Variants in HLCS observed in about 807,000 individuals in gnomAD.
HLCS encodes the protein holocarboxylase synthetase, also known as biotin--protein ligase.
In HLCS, 53 loss-of-function variants were observed where a neutral mutation model predicts 75.0. The observed-to-expected ratio is 0.71, with a 90% CI of 0.57 to 0.89. HLCS has a LOEUF of 0.89. HLCS is among the 40% of genes least tolerant of loss of function. HLCS has a pLI of 0.00. For missense variants in HLCS, 966 were observed against 1,074.0 expected (o/e 0.90, Z 1.41); for synonymous variants, 431 against 428.6 (o/e 1.01, Z -0.07).
In HLCS at chr21:36,749,034, T is replaced by C. The variant is rs141289709; in HGVS notation, c.*5212A>G. ...GACTGCACCTTGTGAAGGAAAAACA[T>C]GCTTAAGGGGGTGTAATGAAAATGA... On this transcript the variant is annotated 3_prime_UTR_variant, in exon 11 of 11. Coordinates refer to ENST00000674895, the MANE Select transcript of HLCS (RefSeq NM_001352514.2). The C allele has an allele frequency of 1.3e-5, 2 of 152,738 alleles. No homozygotes were observed. Among genetic ancestry groups the C allele is most frequent in the African/African-American group, 2.4e-5 (1 of 41,572 alleles). 9.5% of individuals were successfully genotyped at this position (152,738 alleles called of 1,614,324 possible).
At chr21:36,809,412 G>A (rs1035020712) in intron 6 of HLCS, among the ~76,000 whole-genome samples, 3 of 152,128 alleles carry the variant, frequency 2.0e-5, no homozygotes, top group African/African-American at 4.8e-5. Flanking sequence ...GAACCAGCGT[G>A]GGATTTTTAA....
At chr21:36,963,488 G>A (rs569301187) in intron 1 of HLCS, among the ~76,000 whole-genome samples, 6 of 152,240 alleles carry the variant, frequency 3.9e-5, no homozygotes, top group Admixed American at 6.5e-5. Context: ...TAGGCCGGGC[G>A]CGGTGGCTCA....
intron 5 of HLCS, among the ~76,000 whole-genome samples, chr21:36,923,105 C>G (rs984764019): frequency 1.3e-5 from 2 of 152,194 alleles, no homozygotes; most frequent in African/African-American, 4.8e-5. Flanking sequence ...CACAGGAGCC[C>G]TTTGATCATG....
chr21:36,873,283 A>C (rs1415910784), intron 6 of HLCS, among the ~76,000 whole-genome samples: 1 of 151,924 alleles, frequency 6.6e-6, no homozygotes, highest in African/African-American at 2.4e-5. Flanking sequence ...ACACCAAGCT[A>C]ATTTTTGTAT....
intron 6 of HLCS, among the ~76,000 whole-genome samples, chr21:36,884,885 G>A (rs1055809659): frequency 2.6e-5 from 4 of 152,146 alleles, no homozygotes; most frequent in African/African-American, 9.7e-5. Context: ...GGGGTCTCAG[G>A]AAGGTGTGGG....
chr21:36,916,518 A>AT (rs57613865), intron 5 of HLCS, among the ~76,000 whole-genome samples: 1,607 of 93,028 alleles, frequency 0.017, 54 homozygotes, highest in Middle Eastern at 0.023. Flanking sequence ...TGCCTAGCTA[A>AT]TTTTTTTTTT....
chr21:36,898,566 G>T (rs1697480017), intron 5 of HLCS, among the ~76,000 whole-genome samples: 1 of 152,056 alleles, frequency 6.6e-6, no homozygotes, highest in Non-Finnish European at 1.5e-5. Context: ...GGTGGAGATG[G>T]GGTGGGGACA....
intron 5 of HLCS, among the ~76,000 whole-genome samples, chr21:36,912,854 C>T (rs546707163): frequency 2.0e-5 from 3 of 152,290 alleles, no homozygotes; most frequent in South Asian, 4.1e-4. Context: ...GTGCTCTCCT[C>T]TGGGTCCCTC....
rs369539770 is a variant in HLCS, at chr21:36,787,750, TC to T, written c.1893-20466del. Among the ~76,000 whole-genome samples, 103 of 152,252 alleles carry T rather than the reference TC, an allele frequency of 6.8e-4. 1 individual carries two copies. The East Asian group carries it at 0.015, about 22-fold the overall frequency. ...CAGAAAGAGAACTCAGCTCTCTCCT[TC>T]CTACCTCACATGACCCTAAGGAAAG... On this transcript the variant is annotated intron_variant, in intron 6 of 10. Coordinates refer to ENST00000674895, the MANE Select transcript of HLCS (RefSeq NM_001352514.2).
At chr21:36,790,669 A>G (rs1363358660) in intron 6 of HLCS, among the ~76,000 whole-genome samples, 1 of 152,150 alleles carries the variant, frequency 6.6e-6, no homozygotes, top group African/African-American at 2.4e-5. Flanking sequence ...TCATCCATGG[A>G]GAAAAACGCA....
chr21:36,847,950 T>A (rs918094312), intron 6 of HLCS, among the ~76,000 whole-genome samples: 2 of 152,238 alleles, frequency 1.3e-5, no homozygotes, highest in African/African-American at 4.8e-5. Flanking sequence ...CAATAGGTAT[T>A]GTTTTCTGAT....
rs145103417 is a variant in HLCS, at chr21:36,806,501, G to C, written c.1893-39216C>G. Among the ~76,000 whole-genome samples, 431 of 152,260 alleles carry C rather than the reference G, an allele frequency of 2.8e-3. 3 individuals carry two copies. The highest frequency in any genetic ancestry group is 9.9e-3 in the African/African-American group (412 of 41,548). Reference sequence around the variant, plus strand: ...AAAACCAAGTGAAATGAAAGGTGACGGTCAGTGTGCTATCTTTTGACCGCA... The same window carrying C: ...AAAACCAAGTGAAATGAAAGGTGACCGTCAGTGTGCTATCTTTTGACCGCA... On this transcript the variant is annotated intron_variant, in intron 6 of 10. Transcript: ENST00000674895.
At position 36,750,391 on chromosome 21, in the gene HLCS, A is replaced by G. The variant is rs983967479; in HGVS notation, c.*3855T>C. 6.6e-6 allele frequency among the ~76,000 whole-genome samples: 1 copy of G among 152,346 alleles called. No individual in the cohort carries two copies. The highest frequency in any genetic ancestry group is 2.4e-5 in the African/African-American group (1 of 41,576). ...TTGGAAGCCCTTTTCTAGAAAAGCC[A>G]TTCCATTCATACCTTTGTAGAGCAG... On this transcript the variant is annotated 3_prime_UTR_variant, in exon 11 of 11. Transcript: ENST00000674895.
upstream of HLCS, chr21:36,968,798 C>G (rs925649000): frequency 1.3e-5 from 2 of 152,204 alleles, no homozygotes; most frequent in Non-Finnish European, 2.9e-5. Flanking sequence ...CCACTCCCCA[C>G]CCCTGCTAGG....
chr21:36,910,581 A>AT (rs919440886), intron 5 of HLCS, among the ~76,000 whole-genome samples: 29 of 150,244 alleles, frequency 1.9e-4, no homozygotes, highest in African/African-American at 4.6e-4. Context: ...AAATAGGACT[A>AT]TTTTTTTTTC....
At chr21:36,792,068 C>T (rs1421720351) in intron 6 of HLCS, among the ~76,000 whole-genome samples, 1 of 151,994 alleles carries the variant, frequency 6.6e-6, no homozygotes, top group Non-Finnish European at 1.5e-5. Context: ...AAGGTGAGTG[C>T]GCTACCTGTC....
intron 6 of HLCS, among the ~76,000 whole-genome samples, chr21:36,859,157 G>T (rs138931703): frequency 2.5e-4 from 38 of 152,266 alleles, no homozygotes; most frequent in Admixed American, 1.5e-3. Flanking sequence ...TGAGTAGCTG[G>T]GATTACAGGC....
chr21:36,966,427 C>CT lies in HLCS; in HGVS notation c.195+16_195+17insA. The CT allele has an allele frequency of 5.0e-6, 1 of 201,890 alleles. No homozygotes were observed. The highest frequency in any genetic ancestry group is 1.9e-4 in the South Asian group (1 of 5,242). The allele number at this position is 201,890 out of a possible 1,614,324, so 12.5% of individuals were successfully genotyped here. ...GGCTCGCGGGGCCCGGGTCGCCCGC[C>CT]CGCCCGACCCGCCCACCTGGCTGTC... On this transcript the variant is annotated intron_variant, in intron 1 of 10. Transcript: ENST00000674895.
chr21:36,771,793 G>T (rs1385873910), intron 6 of HLCS, among the ~76,000 whole-genome samples: 1 of 152,158 alleles, frequency 6.6e-6, no homozygotes, highest in Non-Finnish European at 1.5e-5. Flanking sequence ...GAGGTCAGGA[G>T]TTCGGGACCA....
Sources: gnomAD v4.1 joint callset for allele counts (sites outside exome capture counted in the v4.1 genomes callset) on GRCh38, gnomAD v4.1.1 for gene constraint, MANE v1.5 for transcripts, NCBI Gene and HGNC (gene_info 2026-07-23, HGNC 2026-07-21) for gene names.